The following ADGRG1 variants were observed in gnomAD, a reference collection of about 807,000 sequenced individuals.
ADGRG1 encodes the protein adhesion G protein-coupled receptor G1.
Under a neutral mutation model 73.5 loss-of-function variants are expected in ADGRG1, and 53 were observed. That is an observed-to-expected ratio of 0.72 (90% confidence interval 0.58 to 0.91). The LOEUF (loss-of-function observed/expected upper bound fraction) is 0.91. Among genes scored for constraint, ADGRG1 ranks in the 40% least tolerant of loss-of-function variants. The pLI, the probability that ADGRG1 is intolerant of heterozygous loss-of-function variation, is 0.00. For missense variants in ADGRG1, 795 were observed against 871.8 expected (o/e 0.91, Z 1.11); for synonymous variants, 394 against 374.4 (o/e 1.05, Z -0.60).
upstream of ADGRG1, chr16:57,628,271 C>T (rs552876382): frequency 5.2e-5 from 42 of 813,946 alleles, 1 homozygote; most frequent in South Asian, 2.1e-3. Flanking sequence ...ATCCAAGGGC[C>T]CTGTTGCCGT....
rs1257219226 is a variant in ADGRG1 at position 57,632,263 on chromosome 16, C to T, written c.-36+3461C>T. 7 of 985,324 alleles carry T rather than the reference C, an allele frequency of 7.1e-6. No individual in the cohort carries two copies. In the South Asian group the frequency reaches 1.4e-4, roughly 20 times the overall value. The allele number at this position is 985,324 out of a possible 1,614,324, so 61.0% of individuals were successfully genotyped here. A position where few individuals can be genotyped will look rare whatever the true frequency, so the allele number is the denominator to read the frequency against. Reference sequence around the variant, plus strand: ...CCTGCCCCTGCCACTGCCAAATCCACGCACCTGTAGGGTGACAGGGCCCGT... The same window carrying T: ...CCTGCCCCTGCCACTGCCAAATCCATGCACCTGTAGGGTGACAGGGCCCGT... On this transcript the variant is annotated intron_variant, in intron 1 of 13. Coordinates refer to ENST00000562631, the MANE Select transcript of ADGRG1 (RefSeq NM_201525.4).
At chr16:57,650,618 A>G (rs1597447064) in intron 2 of ADGRG1, 1 of 155,162 alleles carries the variant, frequency 6.4e-6, no homozygotes, top group Non-Finnish European at 1.4e-5. Context: ...CACCTGCACA[A>G]CCGTCTATGT....
At chr16:57,636,159 T>A (rs1258016015) in intron 1 of ADGRG1, 1 of 985,208 alleles carries the variant, frequency 1.0e-6, no homozygotes, top group Non-Finnish European at 1.2e-6. Context: ...TCTTTGCACA[T>A]CTGCTACCTG....
intron 1 of ADGRG1, chr16:57,646,447 C>T (rs2042662367): frequency 1.0e-6 from 1 of 985,386 alleles, no homozygotes; most frequent in African/African-American, 1.7e-5. Context: ...ATGTGGCCCC[C>T]ATTGTGTCAG....
intron 1 of ADGRG1, chr16:57,645,310 C>T: frequency 2.0e-6 from 2 of 985,440 alleles, no homozygotes; most frequent in Non-Finnish European, 2.4e-6. Context: ...CAAGACTAGG[C>T]TGGAACCTGG....
intron 1 of ADGRG1, among the ~76,000 whole-genome samples, chr16:57,649,740 C>T (rs1406788538): frequency 6.6e-6 from 1 of 151,628 alleles, no homozygotes; most frequent in Non-Finnish European, 1.5e-5. Flanking sequence ...AAAGGTGGAA[C>T]TGAGACTGGA....
At chr16:57,630,825 G>A in intron 1 of ADGRG1, 1 of 406,102 alleles carries the variant, frequency 2.5e-6, no homozygotes, top group Non-Finnish European at 3.3e-6. Flanking sequence ...GCACTGTAGG[G>A]GGAGTCCTAG....
intron 2 of ADGRG1, chr16:57,622,682 G>A: frequency 1.4e-6 from 1 of 730,498 alleles, no homozygotes; most frequent in Non-Finnish European, 1.7e-6. Context: ...TGGCCAGAAT[G>A]ACCTGTTCTG....
At chr16:57,657,545 C>T (rs1597597226) in intron 10 of ADGRG1, 54 bp downstream of exon 10, 16 of 1,301,790 alleles carry the variant, frequency 1.2e-5, no homozygotes, top group Middle Eastern at 3.9e-4. Context: ...GCACACACCT[C>T]CACCAGGGCG....
At position 57,653,199 on chromosome 16, in the gene ADGRG1, C is replaced by T; in HGVS notation, c.488-4C>T. The T allele has an allele frequency of 1.9e-6, 3 of 1,607,962 alleles. No homozygotes were observed. The highest frequency in any genetic ancestry group is 2.5e-6 in the Non-Finnish European group (3 of 1,179,882). ...CGGCGGGGGCCTGTCCACCCCTCCC[C>T]CAGGTCCTCCCCACACGGCCGCTCA... On this transcript the variant is annotated splice_polypyrimidine_tract_variant and splice_region_variant and intron_variant, in intron 3 of 13. Coordinates refer to ENST00000562631, the MANE Select transcript of ADGRG1 (RefSeq NM_201525.4).
chr16:57,648,750 G>T (rs1237203509), intron 1 of ADGRG1: 1 of 977,816 alleles, frequency 1.0e-6, no homozygotes, highest in South Asian at 4.7e-5. Context: ...GCAGGATGAG[G>T]TTCTGTCTGT....
chr16:57,640,013 C>T, intron 1 of ADGRG1: 1 of 242,054 alleles, frequency 4.1e-6, no homozygotes, highest in Non-Finnish European at 6.6e-6. Context: ...CCAGCCCTTG[C>T]TGAAGATTCT....
At chr16:57,662,500 C>T (rs1268791401) in intron 13 of ADGRG1, among the ~76,000 whole-genome samples, 2 of 152,168 alleles carry the variant, frequency 1.3e-5, no homozygotes, top group Non-Finnish European at 2.9e-5. Flanking sequence ...CTCTGGGCCA[C>T]CCGGGCCCTG....
chr16:57,656,554 C>T lies in ADGRG1; in HGVS notation c.1104C>T (p.Thr368=), dbSNP rs200032236. The stretch of plus-strand genomic sequence containing the variant: ...ATTGGAGCAGTGCTGGGTGTGAGAC[C>T]GTCAGGAGAGAAACCCAAACATCCT... ...PGHWSSAGCE[T]VRRETQTSCF... The change falls in exon 9 of 14, where the codon ACC becomes ACT. Residue 368 remains threonine (T), a synonymous_variant. Coordinates refer to ENST00000562631, the MANE Select transcript of ADGRG1 (RefSeq NM_201525.4). 24 of 1,613,778 alleles carry T rather than the reference C, an allele frequency of 1.5e-5. No homozygotes were observed. The highest frequency in any genetic ancestry group is 5.3e-5 in the African/African-American group (4 of 75,006).
At chr16:57,638,051 C>A (rs2039818769) in intron 1 of ADGRG1, among the ~76,000 whole-genome samples, 1 of 152,180 alleles carries the variant, frequency 6.6e-6, no homozygotes, top group Admixed American at 6.5e-5. Context: ...GTTTTTATGT[C>A]CTTTTCCCTT....
At chr16:57,652,873 G>A (rs549990790) in intron 3 of ADGRG1, 99 of 1,177,482 alleles carry the variant, frequency 8.4e-5, no homozygotes, top group Admixed American at 4.7e-4. Context: ...ACCAAGCCCC[G>A]CACATCCCTC....
intron 1 of ADGRG1, chr16:57,629,122 G>T: frequency 1.0e-6 from 1 of 966,488 alleles, no homozygotes; most frequent in Non-Finnish European, 1.2e-6. Flanking sequence ...ATCCGTGCAC[G>T]GGTGGCTGTT....
chr16:57,637,507 T>C, intron 1 of ADGRG1: 1 of 985,394 alleles, frequency 1.0e-6, no homozygotes, highest in African/African-American at 1.7e-5. Flanking sequence ...CCAGCTCCCT[T>C]TAAGCACAGG....
chr16:57,628,628 C>T (rs2036393682), upstream of ADGRG1: 1 of 985,400 alleles, frequency 1.0e-6, no homozygotes, highest in Non-Finnish European at 1.2e-6. Flanking sequence ...CCCTCCCTCT[C>T]CGCACTAGCT....
Sources: allele counts gnomAD v4.1 joint callset (sites outside exome capture counted in the v4.1 genomes callset), GRCh38; gene constraint gnomAD v4.1.1; transcripts MANE v1.5; gene names NCBI Gene and HGNC (gene_info 2026-07-23, HGNC 2026-07-21).